The following RMDN2 variants were observed in gnomAD, a reference collection of about 807,000 sequenced individuals.
The protein encoded by RMDN2 is regulator of microtubule dynamics protein 2.
A neutral mutation model predicts 52.8 loss-of-function variants in RMDN2; 61 were observed. The ratio of observed to expected loss-of-function variants is 1.16; its 90% confidence interval spans 0.94 to 1.43. The LOEUF (loss-of-function observed/expected upper bound fraction) is 1.43. Among genes scored for constraint, RMDN2 ranks in the 40% most tolerant of loss-of-function variants. The probability of loss-of-function intolerance (pLI) is 0.00; values close to 1 mark genes in which losing one functional copy is unlikely to be tolerated. For missense variants in RMDN2, 592 were observed against 475.3 expected (o/e 1.25, Z -2.28); for synonymous variants, 180 against 153.1 (o/e 1.18, Z -1.30).
chr2:37,974,989 A>C, intron 3 of RMDN2: 4 of 498,692 alleles, frequency 8.0e-6, no homozygotes, highest in South Asian at 2.3e-5. Flanking sequence ...GATAATATTA[A>C]TTGGTTTTAA....
At chr2:38,050,297 C>A (rs1681510317) in intron 10 of RMDN2, among the ~76,000 whole-genome samples, 1 of 151,852 alleles carries the variant, frequency 6.6e-6, no homozygotes. Flanking sequence ...TTTCTGTCTC[C>A]CTGCTGCACC....
rs1682316422 is a variant in RMDN2, at chr2:38,067,122, A to G, written c.*132A>G. 3.4e-6 allele frequency: 3 copies of G among 874,854 alleles called. No homozygotes were observed. The South Asian group carries it at 4.2e-5, about 12-fold the overall frequency. 54.2% of individuals were successfully genotyped at this position (874,854 alleles called of 1,614,324 possible). A position where few individuals can be genotyped will look rare whatever the true frequency, so the allele number is the denominator to read the frequency against. ...TACCAAGTAAAAAGATTGGCAATAAAACATTTCCACATAGTACATGACAGA... is the reference window on the plus strand; with the variant it reads ...TACCAAGTAAAAAGATTGGCAATAAGACATTTCCACATAGTACATGACAGA... On this transcript the variant is annotated 3_prime_UTR_variant, in exon 11 of 11. Coordinates refer to the RMDN2 transcript ENST00000234195.
At chr2:37,932,694 C>A (rs1221378883) in intron 2 of RMDN2, among the ~76,000 whole-genome samples, 8 of 111,940 alleles carry the variant, frequency 7.1e-5, no homozygotes, top group East Asian at 2.5e-4. Context: ...GGGGCTGACC[C>A]CCCCCACCTC....
At chr2:37,959,691 G>C (rs575975408) in intron 2 of RMDN2, among the ~76,000 whole-genome samples, 5 of 150,972 alleles carry the variant, frequency 3.3e-5, no homozygotes, top group African/African-American at 1.2e-4. Flanking sequence ...TCTTCTGCTA[G>C]GTTGTGAATT....
At chr2:38,040,695 T>A (rs1275013387) in intron 10 of RMDN2, among the ~76,000 whole-genome samples, 1 of 152,262 alleles carries the variant, frequency 6.6e-6, no homozygotes, top group Non-Finnish European at 1.5e-5. Flanking sequence ...TTGTATTGTC[T>A]GTTCTGGGTA....
At chr2:38,005,271 C>T (rs1017609803) in intron 10 of RMDN2, among the ~76,000 whole-genome samples, 1 of 152,324 alleles carries the variant, frequency 6.6e-6, no homozygotes, top group African/African-American at 2.4e-5. Context: ...CCTGAGGAAT[C>T]GCCACACTGA....
chr2:37,941,304 A>T (rs910726973), intron 2 of RMDN2, among the ~76,000 whole-genome samples: 29 of 152,214 alleles, frequency 1.9e-4, no homozygotes, highest in African/African-American at 6.0e-4. Flanking sequence ...TGTCGACTGG[A>T]GCTCTCCTGT....
chr2:37,950,292 C>G, intron 2 of RMDN2: 1 of 580,236 alleles, frequency 1.7e-6, no homozygotes, highest in East Asian at 3.3e-5. Flanking sequence ...TTTTCCCACC[C>G]CTGGATTTGT....
intron 7 of RMDN2, among the ~76,000 whole-genome samples, chr2:37,996,227 G>A (rs1053537615): frequency 2.6e-5 from 4 of 152,160 alleles, no homozygotes; most frequent in East Asian, 1.9e-4. Context: ...AGTTCAAAGC[G>A]AAGCAAAAAT....
intron 6 of RMDN2, among the ~76,000 whole-genome samples, chr2:37,990,257 A>G (rs1674598339): frequency 6.6e-6 from 1 of 150,708 alleles, no homozygotes; most frequent in East Asian, 2.0e-4. Flanking sequence ...GGTGGCTCAC[A>G]CCTGTAATCA....
intron 5 of RMDN2, among the ~76,000 whole-genome samples, chr2:37,984,334 TA>T (rs1047832199): frequency 2.6e-5 from 4 of 152,176 alleles, no homozygotes; most frequent in African/African-American, 9.7e-5. Context: ...AGCCAGACCT[TA>T]ATTATAAGTA....
At chr2:38,009,737 G>T (rs532034128) in intron 10 of RMDN2, among the ~76,000 whole-genome samples, 4 of 152,304 alleles carry the variant, frequency 2.6e-5, no homozygotes, top group Admixed American at 2.6e-4. Context: ...GTCCAGCTTT[G>T]TTCCGTTGCT....
chr2:37,992,356 T>C (rs921160424), intron 7 of RMDN2, among the ~76,000 whole-genome samples: 4 of 152,232 alleles, frequency 2.6e-5, no homozygotes, highest in Non-Finnish European at 4.4e-5. Context: ...TTTTTCCTGG[T>C]TGTAAGATGG....
chr2:37,938,887 C>G (rs1667545403), intron 2 of RMDN2, among the ~76,000 whole-genome samples: 1 of 152,108 alleles, frequency 6.6e-6, no homozygotes, highest in African/African-American at 2.4e-5. Context: ...TTTTTGATCT[C>G]TATCTCCTTC....
chr2:38,021,588 G>A (rs890618583), downstream of RMDN2, among the ~76,000 whole-genome samples: 7 of 152,118 alleles, frequency 4.6e-5, no homozygotes, highest in Admixed American at 2.6e-4. Context: ...CTCCAGACAC[G>A]CCGCCTTTGA....
intron 2 of RMDN2, among the ~76,000 whole-genome samples, chr2:37,967,356 G>A (rs1671195665): frequency 6.6e-6 from 1 of 152,190 alleles, no homozygotes; most frequent in African/African-American, 2.4e-5. Context: ...CAAGTGGGAT[G>A]AAGATCTTGA....
chr2:38,052,701 A>G (rs1462824157), intron 10 of RMDN2, among the ~76,000 whole-genome samples: 1 of 152,202 alleles, frequency 6.6e-6, no homozygotes, highest in African/African-American at 2.4e-5. Context: ...GCTTATCCTC[A>G]GACAACTTGT....
At chr2:37,954,140 G>A (rs146763750) in intron 2 of RMDN2, among the ~76,000 whole-genome samples, 1 of 151,968 alleles carries the variant, frequency 6.6e-6, no homozygotes, top group African/African-American at 2.4e-5. Context: ...TTCTCCCAAT[G>A]TGTGGGTTGC....
chr2:37,952,880 C>G (rs1289447327), intron 2 of RMDN2: 1 of 151,920 alleles, frequency 6.6e-6, no homozygotes, highest in South Asian at 2.1e-4. Context: ...GTATATTAGT[C>G]TCCCAAAATT....
Sources: allele counts gnomAD v4.1 joint callset (sites outside exome capture counted in the v4.1 genomes callset), GRCh38; gene constraint gnomAD v4.1.1; transcripts MANE v1.5; gene names NCBI Gene and HGNC (gene_info 2026-07-23, HGNC 2026-07-21).